ZNF280D: variants seen among roughly 807,000 people sequenced by gnomAD.
The protein encoded by ZNF280D is zinc finger protein 280D, also known as suppressor of hairy wing homolog 4.
A neutral mutation model predicts 94.7 loss-of-function variants in ZNF280D; 39 were observed. The ratio of observed to expected loss-of-function variants is 0.41; its 90% confidence interval spans 0.32 to 0.54. The LOEUF (loss-of-function observed/expected upper bound fraction) is 0.54. Ranked by LOEUF, ZNF280D falls within the 20% of genes least tolerant of loss-of-function variation. ZNF280D has a pLI of 0.22. For synonymous variants in ZNF280D, 398 were observed against 377.6 expected (o/e 1.05, Z -0.63); for missense variants, 1,090 against 1,149.3 (o/e 0.95, Z 0.75).
At chr15:56,709,832 G>C (rs1370119214) in intron 1 of ZNF280D, among the ~76,000 whole-genome samples, 1 of 152,076 alleles carries the variant, frequency 6.6e-6, no homozygotes, top group African/African-American at 2.4e-5. Context: ...CACAGGAAGG[G>C]GAACATCACA....
intron 1 of ZNF280D, among the ~76,000 whole-genome samples, chr15:56,719,605 C>T (rs1476762891): frequency 6.6e-6 from 1 of 152,212 alleles, no homozygotes; most frequent in Admixed American, 6.5e-5. Context: ...GACACCCTGA[C>T]ATCTCATCTA....
At position 56,701,159 on chromosome 15, in the gene ZNF280D, T is replaced by C; in HGVS notation, c.241+14A>G. On this transcript the variant is annotated intron_variant, in intron 5 of 21. Transcript: ENST00000267807. ...ACTTCACTTTAAAATTAAAATAGTA[T>C]AATAATACTGTACCTCGACTGAGTG... 1.3e-6 allele frequency: 2 copies of C among 1,597,794 alleles called. No individual in the cohort carries two copies. The highest frequency in any genetic ancestry group is 8.5e-7 in the Non-Finnish European group (1 of 1,171,230).
chr15:56,677,676 T>C lies in ZNF280D; in HGVS notation c.1163-2A>G. The C allele has an allele frequency of 6.8e-7, 1 of 1,477,084 alleles. No homozygotes were observed. Among genetic ancestry groups the C allele is most frequent in the Non-Finnish European group, 9.3e-7 (1 of 1,070,340 alleles). The allele number at this position is 1,477,084 out of a possible 1,614,324, so 91.5% of individuals were successfully genotyped here. ...ACAATTCACAGATTTTACAAATAGC[T>C]AAATGTGGGAGAGAAACAGTATAAT... is the stretch of plus-strand genomic sequence containing the variant. On this transcript the variant is annotated splice_acceptor_variant, in intron 11 of 21. Transcript: ENST00000267807. LOFTEE classifies it high-confidence loss of function.
chr15:56,675,194 A>T (rs1224489897), intron 13 of ZNF280D, among the ~76,000 whole-genome samples: 2 of 152,020 alleles, frequency 1.3e-5, no homozygotes, highest in Non-Finnish European at 2.9e-5. Flanking sequence ...ACACAGGCAC[A>T]TAGCAGGTCC....
chr15:56,667,087 A>C (rs988655682), intron 14 of ZNF280D, 101 bp from the exon 15 acceptor site: 1 of 900,852 alleles, frequency 1.1e-6, no homozygotes, highest in African/African-American at 1.7e-5. Flanking sequence ...ATTTTGAAAA[A>C]AGCACATATA....
chr15:56,635,314 A>G (rs1482803299), intron 20 of ZNF280D, 64 bp from the exon 21 acceptor site: 1 of 873,964 alleles, frequency 1.1e-6, no homozygotes, highest in Non-Finnish European at 1.6e-6. Context: ...TTTTTATTAT[A>G]CTAAACTTTC....
chr15:56,641,726 A>G (rs920213153), intron 20 of ZNF280D, among the ~76,000 whole-genome samples: 13 of 151,870 alleles, frequency 8.6e-5, no homozygotes, highest in Non-Finnish European at 3.0e-5. Context: ...AGTGGCTTGT[A>G]TACCCCTGTA....
rs773821855 is a variant in ZNF280D, at chr15:56,668,980, AG to A, written c.1411-24del. On this transcript the variant is annotated intron_variant, in intron 13 of 21. Transcript: ENST00000267807. ...TTTCTGTTTAGAAAAAAACAGAAAA[AG>A]GGGGAAAAATAATTTCAAAAACTAC... 1.2e-5 allele frequency: 19 copies of A among 1,592,452 alleles called. No homozygotes were observed. The Admixed American group carries it at 3.4e-4, about 29-fold the overall frequency.
At chr15:56,703,735 T>C (rs1256026760) in intron 4 of ZNF280D, among the ~76,000 whole-genome samples, 6 of 151,816 alleles carry the variant, frequency 4.0e-5, no homozygotes, top group East Asian at 1.9e-4. Flanking sequence ...ATGCCTGTAG[T>C]GCCAGCTACT....
At chr15:56,672,026 A>C (rs1192769183) in intron 13 of ZNF280D, among the ~76,000 whole-genome samples, 1 of 152,028 alleles carries the variant, frequency 6.6e-6, no homozygotes, top group Non-Finnish European at 1.5e-5. Context: ...TTGCACATTG[A>C]CTTTGTACCT....
chr15:56,715,989 T>C (rs1248928713), intron 1 of ZNF280D, among the ~76,000 whole-genome samples: 2 of 152,136 alleles, frequency 1.3e-5, no homozygotes, highest in Non-Finnish European at 2.9e-5. Flanking sequence ...TCATAAGTAA[T>C]CTAGAGATGA....
At chr15:56,686,665 C>A (rs1296373459) in intron 9 of ZNF280D, among the ~76,000 whole-genome samples, 3 of 152,018 alleles carry the variant, frequency 2.0e-5, no homozygotes, top group Non-Finnish European at 4.4e-5. Flanking sequence ...GAATTCCATA[C>A]CCCAAAGGAG....
At chr15:56,709,945 C>T (rs1196290167) in intron 1 of ZNF280D, among the ~76,000 whole-genome samples, 1 of 152,258 alleles carries the variant, frequency 6.6e-6, no homozygotes, top group East Asian at 1.9e-4. Context: ...CAACATGGCA[C>T]ATGTATACAT....
In ZNF280D at chr15:56,632,083, T is replaced by A. The variant is rs12901838; in HGVS notation, c.2355A>T (p.Gly785=). 6.3e-7 allele frequency: 1 copy of A among 1,590,896 alleles called. No homozygotes were observed. Among genetic ancestry groups the A allele is most frequent in the Non-Finnish European group, 8.5e-7 (1 of 1,169,994 alleles). ...AGCCTTCAAATGAATTTGCATTACA[T>A]CCATTTTTTTCTTTTGAAGAAGCAG... The part of the protein sequence containing the change: ...DKAASSKEKN[G]CNANSFEGSS... Residue 785 remains glycine (G), a synonymous_variant, in exon 22 of 22, where the codon GGA becomes GGT. Transcript: ENST00000267807.
At chr15:56,704,372 T>C (rs745583364) in intron 3 of ZNF280D, 105 bp from the exon 4 acceptor site, 31 of 1,112,594 alleles carry the variant, frequency 2.8e-5, no homozygotes, top group East Asian at 5.2e-5. Context: ...ATAATCTTAA[T>C]AGCAATTTCT....
chr15:56,724,887 T>G, intron 1 of ZNF280D: 1 of 454,298 alleles, frequency 2.2e-6, no homozygotes, highest in Non-Finnish European at 4.4e-6. Context: ...ATTTTTTTTC[T>G]CATGGAATGT....
chr15:56,649,303 T>G (rs376272258), intron 19 of ZNF280D, among the ~76,000 whole-genome samples: 276 of 152,274 alleles, frequency 1.8e-3, no homozygotes, highest in African/African-American at 6.5e-3. Flanking sequence ...TGGTACAGTT[T>G]GTCCTAAATG....
chr15:56,681,558 T>C (rs1353260856), intron 10 of ZNF280D, among the ~76,000 whole-genome samples: 1 of 152,150 alleles, frequency 6.6e-6, no homozygotes, highest in African/African-American at 2.4e-5. Flanking sequence ...TTATCTAATA[T>C]AAATATCAGG....
At chr15:56,699,334 C>T in intron 6 of ZNF280D, 1 of 927,630 alleles carries the variant, frequency 1.1e-6, no homozygotes, top group Non-Finnish European at 1.3e-6. Context: ...ATAGCTCACA[C>T]CTCTCACTCA....
Sources: allele counts gnomAD v4.1 joint callset (sites outside exome capture counted in the v4.1 genomes callset), GRCh38; gene constraint gnomAD v4.1.1; transcripts MANE v1.5; gene names NCBI Gene and HGNC (gene_info 2026-07-23, HGNC 2026-07-21).